The following SLC39A14 variants were observed in gnomAD, a reference collection of about 807,000 sequenced individuals.
SLC39A14 encodes the protein metal cation symporter ZIP14.
In SLC39A14, 19 loss-of-function variants were observed where a neutral mutation model predicts 45.5. The observed-to-expected ratio is 0.42, with a 90% CI of 0.29 to 0.61. SLC39A14 has a LOEUF of 0.61. SLC39A14 is among the 20% of genes least tolerant of loss of function. The probability of loss-of-function intolerance (pLI) is 0.22; values close to 1 mark genes in which losing one functional copy is unlikely to be tolerated. For missense variants in SLC39A14, 447 were observed against 616.5 expected, an observed-to-expected ratio of 0.73 and a Z score of 2.91; for synonymous variants, 264 against 251.3, an observed-to-expected ratio of 1.05 and a Z score of -0.48.
At position 22,420,789 on chromosome 8, in the gene SLC39A14, G is replaced by C. The variant is rs1177433319; in HGVS notation, c.*1091G>C. ...ATGACTAATAGGGGGTCTCTGAAATGTAAGGGCACAAACTTCACTTAGGGC... is the reference window on the plus strand; with the variant it reads ...ATGACTAATAGGGGGTCTCTGAAATCTAAGGGCACAAACTTCACTTAGGGC... On this transcript the variant is annotated 3_prime_UTR_variant, in exon 9 of 9. Coordinates refer to ENST00000381237, the MANE Select transcript of SLC39A14 (RefSeq NM_001128431.4). The C allele has an allele frequency of 1.0e-6, 1 of 985,288 alleles. No homozygotes were observed. Among genetic ancestry groups the C allele is most frequent in the Non-Finnish European group, 1.2e-6 (1 of 829,934 alleles). The allele number at this position is 985,288 out of a possible 1,614,324, so 61.0% of individuals were successfully genotyped here.
chr8:22,383,805 T>C (rs1269048662), intron 1 of SLC39A14, among the ~76,000 whole-genome samples: 1 of 152,204 alleles, frequency 6.6e-6, no homozygotes, highest in Non-Finnish European at 1.5e-5. Context: ...TGTATTCCAA[T>C]TCCAATGCTG....
At chr8:22,409,669 A>G (rs1835450976) in intron 3 of SLC39A14, among the ~76,000 whole-genome samples, 2 of 152,214 alleles carry the variant, frequency 1.3e-5, no homozygotes, top group Admixed American at 6.5e-5. Context: ...GGCTTGCGCC[A>G]CCGCACCTGG....
chr8:22,418,897 G>T (rs1836049300), intron 8 of SLC39A14, among the ~76,000 whole-genome samples: 1 of 152,110 alleles, frequency 6.6e-6, no homozygotes, highest in Non-Finnish European at 1.5e-5. Flanking sequence ...GCCAGGCATG[G>T]TGGCAGGCAC....
intron 1 of SLC39A14, among the ~76,000 whole-genome samples, chr8:22,402,147 G>A (rs1002054425): frequency 3.9e-5 from 6 of 152,064 alleles, no homozygotes; most frequent in African/African-American, 1.4e-4. Flanking sequence ...TTTGGGAGGC[G>A]GAGGCGTGTG....
intron 3 of SLC39A14, 120 bp downstream of exon 3, chr8:22,408,616 G>A: frequency 1.1e-6 from 1 of 944,434 alleles, no homozygotes; most frequent in Non-Finnish European, 1.5e-6. Context: ...CCAGGATGAG[G>A]TTGTCGGTGT....
At chr8:22,399,987 C>T (rs1249799630) in intron 1 of SLC39A14, among the ~76,000 whole-genome samples, 3 of 152,170 alleles carry the variant, frequency 2.0e-5, no homozygotes, top group Admixed American at 6.5e-5. Flanking sequence ...ACAGTGTGTC[C>T]TCTAAAGGCT....
At chr8:22,397,567 G>T (rs1387488299) in intron 1 of SLC39A14, among the ~76,000 whole-genome samples, 2 of 151,946 alleles carry the variant, frequency 1.3e-5, no homozygotes, top group East Asian at 3.9e-4. Context: ...GAAAGAGCGG[G>T]CGAAAGAGCG....
In SLC39A14 at chr8:22,420,406, C is replaced by A. The variant is rs992032238; in HGVS notation, c.*708C>A. The A allele has an allele frequency of 3.0e-6, 3 of 985,440 alleles. No individual in the cohort carries two copies. Among genetic ancestry groups the A allele is most frequent in the South Asian group, 9.4e-5 (2 of 21,288 alleles). 61.0% of individuals were successfully genotyped at this position (985,440 alleles called of 1,614,324 possible). A position where few individuals can be genotyped will look rare whatever the true frequency, so the allele number is the denominator to read the frequency against. The stretch of plus-strand genomic sequence containing the variant: ...GGTGTTTCACGGCTGTCCGAGTGAG[C>A]TAACGTGGCGGTGTGGCTGCCTGGA... On this transcript the variant is annotated 3_prime_UTR_variant, in exon 9 of 9. Coordinates refer to ENST00000381237, the MANE Select transcript of SLC39A14 (RefSeq NM_001128431.4).
chr8:22,385,383 TAGG>T (rs1207432324), intron 1 of SLC39A14, among the ~76,000 whole-genome samples: 4 of 152,076 alleles, frequency 2.6e-5, no homozygotes, highest in Admixed American at 2.6e-4. Flanking sequence ...ATAGTCTAGT[TAGG>T]AGGAGATGGA....
intron 2 of SLC39A14, 106 bp from the exon 3 acceptor site, chr8:22,408,204 T>C (rs766127936): frequency 5.9e-6 from 6 of 1,019,044 alleles, no homozygotes; most frequent in Middle Eastern, 2.1e-4. Context: ...ATTTGGACAT[T>C]TCTGTCTTCT....
At chr8:22,428,138 A>C (rs1026074349) in intron 8 of SLC39A14, among the ~76,000 whole-genome samples, 2 of 152,054 alleles carry the variant, frequency 1.3e-5, no homozygotes, top group Non-Finnish European at 2.9e-5. Flanking sequence ...TGTCTACGAA[A>C]AATACAAAAT....
At chr8:22,405,282 G>A (rs1366381655) in intron 2 of SLC39A14, among the ~76,000 whole-genome samples, 1 of 152,208 alleles carries the variant, frequency 6.6e-6, no homozygotes, top group Admixed American at 6.5e-5. Context: ...GGAGGCCAAG[G>A]CGGGTGGATT....
chr8:22,372,767 A>G (rs1485722207), intron 1 of SLC39A14, among the ~76,000 whole-genome samples: 2 of 152,108 alleles, frequency 1.3e-5, no homozygotes, highest in African/African-American at 4.8e-5. Flanking sequence ...ATATGTGGCT[A>G]TCTGTATTGA....
At chr8:22,425,301 A>C (rs117317174), downstream of SLC39A14, among the ~76,000 whole-genome samples, 940 of 152,322 alleles carry the variant, frequency 6.2e-3, 7 homozygotes, top group South Asian at 0.059. Flanking sequence ...TAATACTCTT[A>C]ATCAGCTAAG....
chr8:22,381,910 G>A (rs1833535016), intron 1 of SLC39A14, among the ~76,000 whole-genome samples: 1 of 152,208 alleles, frequency 6.6e-6, no homozygotes, highest in South Asian at 2.1e-4. Context: ...GGAGACCGAG[G>A]CAGGTGGATC....
intron 1 of SLC39A14, chr8:22,393,258 G>A (rs1011009575): frequency 2.0e-6 from 2 of 985,172 alleles, no homozygotes; most frequent in Non-Finnish European, 2.4e-6. Flanking sequence ...GTAGGTGGGA[G>A]GGCAAGAGGA....
intron 1 of SLC39A14, 27 bp from the exon 2 acceptor site, chr8:22,404,669 A>G: frequency 1.3e-6 from 2 of 1,592,134 alleles, no homozygotes; most frequent in Non-Finnish European, 1.7e-6. Flanking sequence ...GAGAGGCCTC[A>G]GCTTCACCTG....
intron 1 of SLC39A14, among the ~76,000 whole-genome samples, chr8:22,404,023 C>A (rs989238976): frequency 1.3e-5 from 2 of 152,224 alleles, no homozygotes; most frequent in Non-Finnish European, 2.9e-5. Flanking sequence ...GATCATGTCT[C>A]ATCCACACCC....
At chr8:22,426,977 G>A (rs1199593250), downstream of SLC39A14, among the ~76,000 whole-genome samples, 6 of 151,190 alleles carry the variant, frequency 4.0e-5, no homozygotes, top group South Asian at 2.1e-4. Flanking sequence ...GAGCCACCAC[G>A]ATCAATGTGC....
Sources: allele counts gnomAD v4.1 joint callset (sites outside exome capture counted in the v4.1 genomes callset), GRCh38; gene constraint gnomAD v4.1.1; transcripts MANE v1.5; gene names NCBI Gene and HGNC (gene_info 2026-07-23, HGNC 2026-07-21).